MSTO1: variants seen among roughly 807,000 people sequenced by gnomAD.
MSTO1 encodes protein misato homolog 1.
Under a neutral mutation model 55.7 loss-of-function variants are expected in MSTO1, and 24 were observed. The observed-to-expected ratio is 0.43, with a 90% CI of 0.31 to 0.61. The LOEUF is 0.61. MSTO1 is among the 20% of genes least tolerant of loss of function. The probability of loss-of-function intolerance (pLI) is 0.09; values close to 1 mark genes in which losing one functional copy is unlikely to be tolerated. For synonymous variants in MSTO1, 162 were observed against 252.8 expected (o/e 0.64, Z 3.41); for missense variants, 363 against 625.7 (o/e 0.58, Z 4.48).
chr1:155,575,187 G>A, the MSTO1 span, among the ~76,000 whole-genome samples: 1 of 150,782 alleles, frequency 6.6e-6, no homozygotes, highest in Non-Finnish European at 1.5e-5. Context: ...CTTTCTATGA[G>A]TAAAAATAAA....
the MSTO1 span, among the ~76,000 whole-genome samples, chr1:155,572,720 G>A: frequency 9.2e-5 from 14 of 151,840 alleles, no homozygotes; most frequent in African/African-American, 3.1e-4. Context: ...GCATGATCTC[G>A]GTTTGCTGCA....
chr1:155,568,107 TCTCA>T, the MSTO1 span, among the ~76,000 whole-genome samples: 1 of 150,570 alleles, frequency 6.6e-6, no homozygotes, highest in Non-Finnish European at 1.5e-5. Flanking sequence ...TGAGACGGAG[TCTCA>T]CTCTATTGCC....
rs1294365226 is a variant in MSTO1, at chr1:155,614,854, C to T, written c.*581C>T. The stretch of plus-strand genomic sequence containing the variant: ...AGTGTGGAAGAGCTGCATGAGTTCT[C>T]GAAAATGGTGGGAAACCTAAGAAAG... On this transcript the variant is annotated 3_prime_UTR_variant, in exon 14 of 14. Transcript: ENST00000245564. 7.5e-5 allele frequency: 119 copies of T among 1,580,336 alleles called. 1 individual carries two copies. The highest frequency in any genetic ancestry group is 3.8e-4 in the South Asian group (33 of 86,732).
the MSTO1 span, among the ~76,000 whole-genome samples, chr1:155,583,665 A>G: frequency 6.6e-5 from 10 of 152,238 alleles, no homozygotes; most frequent in African/African-American, 9.6e-5. Flanking sequence ...GTCCTGGAAC[A>G]GAAGCTGATT....
chr1:155,601,756 T>A, the MSTO1 span, among the ~76,000 whole-genome samples: 2,684 of 152,202 alleles, frequency 0.018, 90 homozygotes, highest in African/African-American at 0.062. Flanking sequence ...TTATTTATTT[T>A]ATTATTATTA....
Position 155,612,854 on chromosome 1 carries a change from C to G in MSTO1, c.977C>G (p.Pro326Arg), listed in dbSNP as rs1255611749. The G allele has an allele frequency of 6.2e-7, 1 of 1,613,812 alleles. No individual in the cohort carries two copies. The highest frequency in any genetic ancestry group is 1.3e-5 in the African/African-American group (1 of 74,922). Reference sequence around the variant, plus strand: ...GGTGTCTTCTTACAGGCCACTCTGCCCTTCCACTGCAGTGCCATCCTGGCT... The same window carrying G: ...GGTGTCTTCTTACAGGCCACTCTGCGCTTCCACTGCAGTGCCATCCTGGCT... ...FPYLHYDATLPFHCSAILATA... is the reference protein window; with the variant it reads ...FPYLHYDATLRFHCSAILATA... The change falls in exon 10 of 14, where the codon CCC becomes CGC. Residue 326 changes from proline (P) to arginine (R), a missense_variant. Pro to Arg is a moderately radical substitution (Grantham distance 103). Transcript: ENST00000245564.
the MSTO1 span, among the ~76,000 whole-genome samples, chr1:155,604,341 TC>T: frequency 6.6e-6 from 1 of 152,120 alleles, no homozygotes; most frequent in African/African-American, 2.4e-5. Flanking sequence ...ATAAACCAGC[TC>T]AATATATTTC....
In MSTO1 at chr1:155,612,169, C is replaced by T; in HGVS notation, c.679-13C>T. 1 of 1,613,858 alleles carries T rather than the reference C, an allele frequency of 6.2e-7. No homozygotes were observed. The highest frequency in any genetic ancestry group is 8.5e-7 in the Non-Finnish European group (1 of 1,179,858). ...ATCCTGCTAACTATCTTTTGTCACT[C>T]ACCCCCGTCCAGGGCTTCCAGATCC... is the stretch of plus-strand genomic sequence containing the variant. On this transcript the variant is annotated splice_polypyrimidine_tract_variant and intron_variant, in intron 7 of 13. Coordinates refer to ENST00000245564, the MANE Select transcript of MSTO1 (RefSeq NM_018116.4).
chr1:155,587,559 C>T, the MSTO1 span, among the ~76,000 whole-genome samples: 1 of 145,324 alleles, frequency 6.9e-6, no homozygotes, highest in Non-Finnish European at 1.5e-5. Context: ...CTGGCTAACA[C>T]GGTGAAACCC....
the MSTO1 span, among the ~76,000 whole-genome samples, chr1:155,601,289 AC>A: frequency 1.3e-5 from 2 of 149,658 alleles, no homozygotes; most frequent in African/African-American, 4.9e-5. Flanking sequence ...ACCTGCCACC[AC>A]GCCCGGCTAT....
At chr1:155,612,375 C>T (rs762723686) in intron 8 of MSTO1, 43 bp from the exon 9 acceptor site, 2 of 1,585,214 alleles carry the variant, frequency 1.3e-6, no homozygotes, top group South Asian at 2.3e-5. Context: ...ATCAGAATCC[C>T]AGTGGGAGAG....
At chr1:155,566,637 C>G in the MSTO1 span, among the ~76,000 whole-genome samples, 1 of 151,450 alleles carries the variant, frequency 6.6e-6, no homozygotes. Flanking sequence ...ATTCTTGAGA[C>G]AGAGTTTCAC....
At chr1:155,598,881 A>C in the MSTO1 span, 1 of 1,457,752 alleles carries the variant, frequency 6.9e-7, no homozygotes, top group Non-Finnish European at 9.6e-7. Context: ...ATTTCTGTGC[A>C]AAACAGGACT....
At chr1:155,575,980 G>A in the MSTO1 span, among the ~76,000 whole-genome samples, 24 of 151,312 alleles carry the variant, frequency 1.6e-4, no homozygotes, top group African/African-American at 5.6e-4. Flanking sequence ...ACGTCACCAC[G>A]CCCAGCTAAT....
At chr1:155,563,910 T>C in the MSTO1 span, 1 of 258,336 alleles carries the variant, frequency 3.9e-6, no homozygotes, top group Non-Finnish European at 7.7e-6. Context: ...TAGTGTTCTG[T>C]CCCTCCAAGG....
the MSTO1 span, among the ~76,000 whole-genome samples, chr1:155,566,512 G>A: frequency 2.6e-5 from 4 of 152,088 alleles, no homozygotes; most frequent in Non-Finnish European, 4.4e-5. Context: ...GGCATGTCCA[G>A]GAGTTTGAGG....
At chr1:155,567,676 TCCAC>T in the MSTO1 span, among the ~76,000 whole-genome samples, 131 of 151,730 alleles carry the variant, frequency 8.6e-4, 1 homozygote, top group African/African-American at 2.9e-3. Flanking sequence ...CCTTAGGTGA[TCCAC>T]CCGTCTTGGC....
the MSTO1 span, among the ~76,000 whole-genome samples, chr1:155,586,111 T>C: frequency 3.3e-5 from 5 of 152,078 alleles, no homozygotes; most frequent in African/African-American, 1.2e-4. Context: ...TTTTTTACAG[T>C]CTTTTTATAA....
the MSTO1 span, among the ~76,000 whole-genome samples, chr1:155,574,457 G>C: frequency 6.6e-6 from 1 of 152,080 alleles, no homozygotes; most frequent in Non-Finnish European, 1.5e-5. Flanking sequence ...CTGTCCTATA[G>C]TTGTATATAT....
Sources: gnomAD v4.1 joint callset for allele counts (sites outside exome capture counted in the v4.1 genomes callset) on GRCh38, gnomAD v4.1.1 for gene constraint, MANE v1.5 for transcripts, NCBI Gene and HGNC (gene_info 2026-07-23, HGNC 2026-07-21) for gene names.